ARID1A: variants seen among roughly 807,000 people sequenced by gnomAD.
The protein encoded by ARID1A is AT-rich interactive domain-containing protein 1A.
ARID1A carries 20 observed loss-of-function variants against 212.6 expected under a neutral mutation model. The observed-to-expected ratio is 0.09, with a 90% confidence interval of 0.07 to 0.14. The LOEUF is 0.14. Among genes scored for constraint, ARID1A ranks in the 10% least tolerant of loss-of-function variants. ARID1A has a pLI of 1.00. For missense variants in ARID1A, 2,587 were observed against 3,059.0 expected, an observed-to-expected ratio of 0.85 and a Z score of 3.64; for synonymous variants, 1,376 against 1,222.1, an observed-to-expected ratio of 1.13 and a Z score of -2.63.
At chr1:26,736,522 A>T (rs1570580652) in intron 4 of ARID1A, among the ~76,000 whole-genome samples, 1 of 150,364 alleles carries the variant, frequency 6.7e-6, no homozygotes, top group Non-Finnish European at 1.5e-5. Context: ...CCAGCTACTC[A>T]GGAGGCTGAG....
rs780907164 is a variant in ARID1A at position 26,773,381 on chromosome 1, G to T, written c.3751G>T (p.Gly1251Cys). ...TGATCCCTTCATGTCCTCAGGGCAG[G>T]GCCCCAACGGCGGGATGGGTGACCC... Reference protein sequence around the residue: ...GSDPFMSSGQGPNGGMGDPYS... With the variant: ...GSDPFMSSGQCPNGGMGDPYS... The change falls in exon 15 of 20, where the codon GGC (glycine) becomes TGC (cysteine). Residue 1251 changes from glycine (G) to cysteine (C), a missense_variant. Physicochemically the swap from Gly to Cys is radical, Grantham distance 159. This residue lies in a region of ARID1A where 890 missense variants were observed against 1,098.2 expected (regional missense o/e 0.81). Coordinates refer to ENST00000324856, the MANE Select transcript of ARID1A (RefSeq NM_006015.6). The T allele has an allele frequency of 1.5e-5, 24 of 1,610,848 alleles. No homozygotes were observed. The highest frequency in any genetic ancestry group is 2.0e-5 in the Non-Finnish European group (23 of 1,178,368).
chr1:26,749,763 C>A (rs138750890), intron 4 of ARID1A, among the ~76,000 whole-genome samples: 1 of 152,212 alleles, frequency 6.6e-6, no homozygotes, highest in Non-Finnish European at 1.5e-5. Flanking sequence ...TGCTGCAGTT[C>A]TAGCAACAGC....
chr1:26,697,644 C>T (rs937745009), intron 1 of ARID1A, 104 bp downstream of exon 1: 124 of 1,126,426 alleles, frequency 1.1e-4, no homozygotes, highest in South Asian at 1.8e-4. Flanking sequence ...AGTCCCGGGC[C>T]CCCACTGCTG....
intron 1 of ARID1A, among the ~76,000 whole-genome samples, chr1:26,728,102 CT>C (rs1557590060): frequency 3.3e-5 from 5 of 152,146 alleles, no homozygotes; most frequent in Non-Finnish European, 7.3e-5. Context: ...GGCAACAGTA[CT>C]TTAATAATAT....
chr1:26,769,035 CAAAA>C (rs1330194710), intron 11 of ARID1A: 1 of 152,196 alleles, frequency 6.6e-6, no homozygotes, highest in Non-Finnish European at 1.5e-5. Context: ...CAAAGGAAAA[CAAAA>C]CAAAATAAGA....
chr1:26,760,240 C>T (rs1465248570), intron 4 of ARID1A, among the ~76,000 whole-genome samples: 3 of 152,148 alleles, frequency 2.0e-5, no homozygotes, highest in Non-Finnish European at 4.4e-5. Context: ...TAGGAGTCAG[C>T]AAAACTCAGT....
At chr1:26,745,861 G>A (rs182823040) in intron 4 of ARID1A, among the ~76,000 whole-genome samples, 1 of 152,148 alleles carries the variant, frequency 6.6e-6, no homozygotes, top group Non-Finnish European at 1.5e-5. Flanking sequence ...AGACCAGCCT[G>A]ACCAACATTA....
intron 1 of ARID1A, among the ~76,000 whole-genome samples, chr1:26,707,790 A>G (rs2080407563): frequency 6.6e-6 from 1 of 152,228 alleles, no homozygotes. Context: ...CCTCTTTTAC[A>G]AATGAGGAAA....
rs191537722 is a variant in ARID1A, at chr1:26,729,581, A to C, written c.1138-70A>C. ...GCATACAGACTAAAAAAACCTGTGT[A>C]CTTGGGTTATATATTCAGTGGCCAG... On this transcript the variant is annotated intron_variant, in intron 1 of 19. Transcript: ENST00000324856. 1.1e-4 allele frequency: 170 copies of C among 1,551,730 alleles called. No individual in the cohort carries two copies. The African/African-American group carries it at 2.1e-3, about 19-fold the overall frequency.
chr1:26,729,614 C>T, intron 1 of ARID1A, 37 bp from the exon 2 acceptor site: 2 of 1,607,568 alleles, frequency 1.2e-6, no homozygotes. Context: ...CAGAGGCCAT[C>T]AAAGCTCAGG....
chr1:26,780,609 G>A lies in ARID1A; in HGVS notation c.6711G>A (p.Ala2237=), dbSNP rs542602060. The change falls in exon 20 of 20, where the codon GCG becomes GCA. Residue 2237 remains alanine, a synonymous_variant. Transcript: ENST00000324856. The surrounding 1 kb of genome is among the most constrained non-coding windows in gnomAD (Gnocchi z 7.2). ...ACATGATGCGGCGGGCTGCCCGCGC[G>A]CTGCTTGCCTTGGCCAAGGTGGACG... The part of the protein sequence containing the change: ...SVDMMRRAAR[A]LLALAKVDEN... 5.5e-5 allele frequency: 88 copies of A among 1,613,748 alleles called. 2 individuals are homozygous for A. The South Asian group carries it at 6.8e-4, about 12-fold the overall frequency.
rs539047789 is a variant in ARID1A, at chr1:26,711,728, G to A, written c.1137+14188G>A. 2.0e-5 allele frequency among the ~76,000 whole-genome samples: 3 copies of A among 152,254 alleles called. No homozygotes were observed. In the South Asian group the frequency reaches 6.2e-4, roughly 32 times the overall value. On this transcript the variant is annotated intron_variant, in intron 1 of 19. Coordinates refer to ENST00000324856, the MANE Select transcript of ARID1A (RefSeq NM_006015.6). The stretch of plus-strand genomic sequence containing the variant: ...CTTTCTCTTAGTTCTTCGGCAATAT[G>A]GCATGAAGATAATCTGGACCTGTGG...
At chr1:26,718,039 A>G (rs1295805818) in intron 1 of ARID1A, among the ~76,000 whole-genome samples, 4 of 152,088 alleles carry the variant, frequency 2.6e-5, no homozygotes, top group Non-Finnish European at 5.9e-5. Context: ...CAAAGGTGCA[A>G]TCTTGGCTCA....
At chr1:26,717,814 G>C (rs1335814696) in intron 1 of ARID1A, among the ~76,000 whole-genome samples, 1 of 152,160 alleles carries the variant, frequency 6.6e-6, no homozygotes, top group Non-Finnish European at 1.5e-5. Flanking sequence ...ACCAGGGAAG[G>C]CCACACTGAA....
intron 1 of ARID1A, 48 bp from the exon 2 acceptor site, chr1:26,729,603 C>T (rs2124784556): frequency 6.2e-7 from 1 of 1,600,992 alleles, no homozygotes; most frequent in Non-Finnish European, 8.6e-7. Context: ...TATTCAGTGG[C>T]CAGAGGCCAT....
chr1:26,740,457 A>T (rs1479047929), intron 4 of ARID1A, among the ~76,000 whole-genome samples: 4 of 152,196 alleles, frequency 2.6e-5, no homozygotes, highest in African/African-American at 9.7e-5. Flanking sequence ...CTAGATGTGG[A>T]TGTATTTAAG....
chr1:26,752,721 G>A (rs1338471308), intron 4 of ARID1A, among the ~76,000 whole-genome samples: 2 of 152,164 alleles, frequency 1.3e-5, no homozygotes, highest in Admixed American at 6.5e-5. Context: ...GGGGCGGGGC[G>A]GGGATAAGGG....
Position 26,779,853 on chromosome 1 carries a change from C to T in ARID1A, c.5955C>T (p.Ser1985=), listed in dbSNP as rs1344122426. Residue 1985 remains serine (S), a synonymous_variant, in exon 20 of 20, where the codon TCC becomes TCT. Coordinates refer to ENST00000324856, the MANE Select transcript of ARID1A (RefSeq NM_006015.6). The part of the protein sequence containing the change: ...DSLAKRCVCV[S]NTIRSLSFVP... ...TTGCCAAGCGCTGCGTCTGTGTGTC[C>T]AATACCATTCGAAGCCTGTCATTTG... The T allele has an allele frequency of 3.1e-6, 5 of 1,614,118 alleles. No individual in the cohort carries two copies. The highest frequency in any genetic ancestry group is 3.4e-6 in the Non-Finnish European group (4 of 1,180,030).
chr1:26,735,900 C>T (rs1434115569), intron 4 of ARID1A, among the ~76,000 whole-genome samples: 2 of 152,180 alleles, frequency 1.3e-5, no homozygotes, highest in Non-Finnish European at 2.9e-5. Context: ...CCCCTCAACT[C>T]CTCCTGTTCA....
Sources: allele counts gnomAD v4.1 joint callset (sites outside exome capture counted in the v4.1 genomes callset), GRCh38; gene constraint gnomAD v4.1.1; regional missense constraint gnomAD v4.1.1; non-coding constraint Gnocchi (gnomAD v3.1); transcripts MANE v1.5; gene names NCBI Gene and HGNC (gene_info 2026-07-23, HGNC 2026-07-21).